Variants in RALGAPA2 observed in about 807,000 individuals in gnomAD.
RALGAPA2 encodes the protein ral GTPase-activating protein subunit alpha-2.
Under a neutral mutation model 230.4 loss-of-function variants are expected in RALGAPA2, and 139 were observed. The observed-to-expected ratio is 0.60, with a 90% CI of 0.53 to 0.69. RALGAPA2 has a LOEUF of 0.69. RALGAPA2 is among the 30% of genes least tolerant of loss of function. RALGAPA2 has a pLI of 0.00. For missense variants in RALGAPA2, 2,163 were observed against 2,276.0 expected, an observed-to-expected ratio of 0.95 and a Z score of 1.01; for synonymous variants, 847 against 837.8, an observed-to-expected ratio of 1.01 and a Z score of -0.19.
At chr20:20,407,868 G>C (rs184764152) in intron 38 of RALGAPA2, among the ~76,000 whole-genome samples, 58 of 152,336 alleles carry the variant, frequency 3.8e-4, no homozygotes, top group African/African-American at 1.3e-3. Context: ...GGCATCCTAA[G>C]ACCGACTCAG....
At chr20:20,675,719 G>C (rs1180958735) in intron 3 of RALGAPA2, among the ~76,000 whole-genome samples, 1 of 151,958 alleles carries the variant, frequency 6.6e-6, no homozygotes, top group Admixed American at 6.6e-5. Context: ...GATGCATAAA[G>C]ATCATAACCT....
intron 20 of RALGAPA2, among the ~76,000 whole-genome samples, chr20:20,581,481 A>G (rs1344758884): frequency 6.6e-6 from 1 of 152,166 alleles, no homozygotes; most frequent in Non-Finnish European, 1.5e-5. Context: ...CTGCACGTTG[A>G]GTCAAAACAT....
In RALGAPA2 at chr20:20,437,599, T is replaced by C. The variant is rs921767370; in HGVS notation, c.5496-25451A>G. ...CCCTTCCCACACTTCACACACACGA[T>C]GTGTGTGTGCTGTGCCCTCTGCCTG... On this transcript the variant is annotated intron_variant, in intron 37 of 39. Transcript: ENST00000202677. This position sits in a 1 kb window ranked among gnomAD's most constrained non-coding sequence, Gnocchi z 4.1. Among the ~76,000 whole-genome samples, 8 of 152,134 alleles carry C rather than the reference T, an allele frequency of 5.3e-5. No individual in the cohort carries two copies. Among genetic ancestry groups the C allele is most frequent in the African/African-American group, 1.7e-4 (7 of 41,434 alleles).
In RALGAPA2 at chr20:20,680,598, A is replaced by C. The variant is rs540620711; in HGVS notation, c.217+93T>G. ...CTTTGCTAAAGGCTTGGCAAGAAAG[A>C]AAGCTTAAAAATGTATAATTTGTGG... is the stretch of plus-strand genomic sequence containing the variant. On this transcript the variant is annotated intron_variant, in intron 2 of 39. Transcript: ENST00000202677. 9.5e-5 allele frequency: 134 copies of C among 1,405,602 alleles called. No homozygotes were observed. The African/African-American group carries it at 9.6e-4, about 10-fold the overall frequency. 87.1% of individuals were successfully genotyped at this position (1,405,602 alleles called of 1,614,324 possible).
intron 37 of RALGAPA2, among the ~76,000 whole-genome samples, chr20:20,458,146 C>T (rs1386582136): frequency 5.9e-5 from 9 of 152,034 alleles, no homozygotes; most frequent in South Asian, 2.1e-4. Context: ...AAAAGGAGAG[C>T]GCTGACACTG....
chr20:20,405,000 T>C lies in RALGAPA2; in HGVS notation c.5617+7027A>G, dbSNP rs971583223. On this transcript the variant is annotated intron_variant, in intron 38 of 39. Coordinates refer to ENST00000202677, the MANE Select transcript of RALGAPA2 (RefSeq NM_020343.4). ...AGTGGCTCTGAAACATGTGGTTTCTTTCTCTCTGCTCTTCTCACATTTACT... is the reference window on the plus strand; with the variant it reads ...AGTGGCTCTGAAACATGTGGTTTCTCTCTCTCTGCTCTTCTCACATTTACT... 3.4e-4 allele frequency among the ~76,000 whole-genome samples: 51 copies of C among 152,234 alleles called. 1 individual carries two copies. The highest frequency in any genetic ancestry group is 4.4e-5 in the Non-Finnish European group (3 of 68,038).
intron 23 of RALGAPA2, among the ~76,000 whole-genome samples, chr20:20,556,099 A>G (rs2064074906): frequency 6.6e-6 from 1 of 152,160 alleles, no homozygotes; most frequent in Non-Finnish European, 1.5e-5. Context: ...CCTTTTTGCA[A>G]TATATTTTTG....
At chr20:20,418,140 G>T (rs1264444275) in intron 37 of RALGAPA2, among the ~76,000 whole-genome samples, 1 of 152,134 alleles carries the variant, frequency 6.6e-6, no homozygotes, top group Admixed American at 6.5e-5. Flanking sequence ...GCTGGCAAGG[G>T]GTAGGTGCCA....
intron 30 of RALGAPA2, among the ~76,000 whole-genome samples, chr20:20,521,658 G>A (rs150129620): frequency 5.6e-4 from 85 of 152,252 alleles, no homozygotes; most frequent in Non-Finnish European, 1.1e-3. Context: ...CTACTCATTT[G>A]AGCCTTTGTA....
chr20:20,620,435 A>T (rs1448507144), intron 11 of RALGAPA2, 28 bp downstream of exon 11: 1 of 1,607,126 alleles, frequency 6.2e-7, no homozygotes, highest in South Asian at 1.1e-5. Context: ...ATTTACCCTC[A>T]ACTCAAAAGA....
chr20:20,508,161 A>G (rs970539645), intron 33 of RALGAPA2, among the ~76,000 whole-genome samples: 9 of 152,224 alleles, frequency 5.9e-5, no homozygotes, highest in Admixed American at 5.9e-4. Flanking sequence ...CTTTAGTTGT[A>G]AACATTCATC....
At chr20:20,501,126 A>G (rs1004703739) in intron 35 of RALGAPA2, among the ~76,000 whole-genome samples, 3 of 152,226 alleles carry the variant, frequency 2.0e-5, no homozygotes, top group African/African-American at 7.2e-5. Flanking sequence ...GGGAATGGTA[A>G]ATGAGCACTG....
At chr20:20,577,930 C>G (rs1344449273) in intron 20 of RALGAPA2, among the ~76,000 whole-genome samples, 1 of 152,076 alleles carries the variant, frequency 6.6e-6, no homozygotes, top group Non-Finnish European at 1.5e-5. Flanking sequence ...CTTGAGTAAC[C>G]ACTCCAAGTA....
chr20:20,489,818 G>A (rs1231296977), intron 36 of RALGAPA2, among the ~76,000 whole-genome samples: 1 of 152,182 alleles, frequency 6.6e-6, no homozygotes, highest in Non-Finnish European at 1.5e-5. Context: ...GCTGTCTCTT[G>A]AGCCAAAAGG....
rs772089136 is a variant in RALGAPA2 at position 20,465,197 on chromosome 20, A to ACACACACTCTCT, written c.5495+7631_5495+7632insAGAGAGTGTGTG. ...CACACACACACACACACACACACAC[A>ACACACACTCTCT]CTCTCTCATACTAGGGGACAGCAGC... On this transcript the variant is annotated intron_variant, in intron 37 of 39. Coordinates refer to ENST00000202677, the MANE Select transcript of RALGAPA2 (RefSeq NM_020343.4). Among the ~76,000 whole-genome samples, 8 of 147,440 alleles carry ACACACACTCTCT rather than the reference A, an allele frequency of 5.4e-5. No individual in the cohort carries two copies. In the East Asian group the frequency reaches 1.2e-3, roughly 23 times the overall value.
rs1249468855 is a variant in RALGAPA2, at chr20:20,712,587, C to T, written c.-107G>A. ...CGCGTGTCGCGCGGGCCACTCGCCG[C>T]CCCCAGCCCCGCTGCTGCCGCCGCC... On this transcript the variant is annotated 5_prime_UTR_variant, in exon 1 of 40. Transcript: ENST00000202677. This position sits in a 1 kb window ranked among gnomAD's most constrained non-coding sequence, Gnocchi z 5.5. The T allele has an allele frequency of 3.2e-6, 4 of 1,242,846 alleles. No individual in the cohort carries two copies. The highest frequency in any genetic ancestry group is 2.9e-4 in the Middle Eastern group (1 of 3,420). 77.0% of individuals were successfully genotyped at this position (1,242,846 alleles called of 1,614,324 possible). A position where few individuals can be genotyped will look rare whatever the true frequency, so the allele number is the denominator to read the frequency against.
At chr20:20,619,595 A>G (rs954532376) in intron 11 of RALGAPA2, among the ~76,000 whole-genome samples, 181 bp from the exon 12 acceptor site, 8 of 152,248 alleles carry the variant, frequency 5.3e-5, no homozygotes, top group African/African-American at 1.7e-4. Context: ...CTCCCCACTC[A>G]ACCGTCAACA....
intron 37 of RALGAPA2, among the ~76,000 whole-genome samples, chr20:20,414,739 G>A (rs1286241827): frequency 6.6e-6 from 1 of 152,198 alleles, no homozygotes; most frequent in Non-Finnish European, 1.5e-5. Context: ...AAAACATAAA[G>A]GTGCTTCCAG....
rs546689640 is a variant in RALGAPA2, at chr20:20,559,261, C to T, written c.3156+12197G>A. ...TGGTCATTCAATTTTGGGACTCTAC[C>T]GACCAACCCTCTAATGTGGGTGGAG... On this transcript the variant is annotated intron_variant, in intron 23 of 39. Transcript: ENST00000202677. Among the ~76,000 whole-genome samples, 6 of 152,258 alleles carry T rather than the reference C, an allele frequency of 3.9e-5. No individual in the cohort carries two copies. In the South Asian group the frequency reaches 6.2e-4, roughly 16 times the overall value.
Sources: allele counts gnomAD v4.1 joint callset (sites outside exome capture counted in the v4.1 genomes callset), GRCh38; gene constraint gnomAD v4.1.1; non-coding constraint Gnocchi (gnomAD v3.1); transcripts MANE v1.5; gene names NCBI Gene and HGNC (gene_info 2026-07-23, HGNC 2026-07-21).